KAZN: variants seen among roughly 807,000 people sequenced by gnomAD.
KAZN encodes kazrin, periplakin interacting protein, also known as kazrin.
Under a neutral mutation model 87.4 loss-of-function variants are expected in KAZN, and 40 were observed. The observed-to-expected ratio is 0.46, with a 90% CI of 0.36 to 0.60. The LOEUF (loss-of-function observed/expected upper bound fraction) is 0.60, where lower values mean the gene tolerates loss of function less well. Ranked by LOEUF, KAZN falls within the 20% of genes least tolerant of loss-of-function variation. KAZN has a pLI of 0.00. For missense variants in KAZN, 898 were observed against 1,073.9 expected, an observed-to-expected ratio of 0.84 and a Z score of 2.29; for synonymous variants, 466 against 458.3, an observed-to-expected ratio of 1.02 and a Z score of -0.22.
At chr1:14,384,858 T>A (rs1305995913) in intron 2 of KAZN, among the ~76,000 whole-genome samples, 1 of 152,030 alleles carries the variant, frequency 6.6e-6, no homozygotes, top group Non-Finnish European at 1.5e-5. Context: ...AATCCCTCTT[T>A]TTCTATTGAT....
At chr1:15,050,102 AG>A (rs1674173670) in intron 4 of KAZN, among the ~76,000 whole-genome samples, 1 of 126,956 alleles carries the variant, frequency 7.9e-6, no homozygotes, top group African/African-American at 3.6e-5. Context: ...ACAGTAGAGT[AG>A]AGTAGAGTAG....
intron 1 of KAZN, among the ~76,000 whole-genome samples, chr1:14,738,427 T>C (rs1193934025): frequency 6.6e-6 from 1 of 151,992 alleles, no homozygotes; most frequent in Non-Finnish European, 1.5e-5. Context: ...CTTAATGTAT[T>C]GACATTGGCA....
In KAZN at chr1:14,369,514, TAAAAGGG is replaced by T. The variant is rs549626435; in HGVS notation, c.249+188925_249+188931del. Among the ~76,000 whole-genome samples the T allele has an allele frequency of 2.0e-5, 3 of 152,132 alleles. No homozygotes were observed. The South Asian group carries it at 6.2e-4, about 32-fold the overall frequency. ...AGCGGCTTCTCCATCTGGAGAATGG[TAAAAGGG>T]AAGAGGGGCATTTAGAAGGAAGAAA... is the stretch of plus-strand genomic sequence containing the variant. On this transcript the variant is annotated intron_variant, in intron 2 of 16. Transcript: ENST00000636203.
intron 1 of KAZN, among the ~76,000 whole-genome samples, chr1:14,055,316 C>T (rs1202956499): frequency 6.6e-6 from 1 of 152,182 alleles, no homozygotes; most frequent in Non-Finnish European, 1.5e-5. Flanking sequence ...ATGTAAGTGG[C>T]AGCTGACATC....
At position 15,028,759 on chromosome 1, in the gene KAZN, G is replaced by C. The variant is rs138229222; in HGVS notation, c.419-5990G>C. ...TTGTCTTGGTCATTAGCCTGGCAGA[G>C]TCCAGCCCAGAGGTGGGCAGAGCGA... On this transcript the variant is annotated intron_variant, in intron 2 of 14. Transcript: ENST00000376030. Among the ~76,000 whole-genome samples, 422 of 152,292 alleles carry C rather than the reference G, an allele frequency of 2.8e-3. 2 individuals are homozygous for C. The highest frequency in any genetic ancestry group is 3.9e-3 in the Admixed American group (60 of 15,304).
intron 2 of KAZN, among the ~76,000 whole-genome samples, chr1:14,266,777 T>TG (rs1651508656): frequency 6.6e-6 from 1 of 152,136 alleles, no homozygotes; most frequent in African/African-American, 2.4e-5. Flanking sequence ...CTTTGGGATG[T>TG]GGGAGGAAAC....
intron 1 of KAZN, chr1:14,946,014 C>A: frequency 1.7e-6 from 1 of 600,508 alleles, no homozygotes. Flanking sequence ...GGCACAGCAG[C>A]CCTGGGAGAT....
chr1:14,125,581 G>A (rs964825948), intron 1 of KAZN, among the ~76,000 whole-genome samples: 1 of 152,156 alleles, frequency 6.6e-6, no homozygotes, highest in African/African-American at 2.4e-5. Flanking sequence ...AAAGCCACCA[G>A]AAGCTGGGAG....
At position 14,141,477 on chromosome 1, in the gene KAZN, C is replaced by T. The variant is rs188712306; in HGVS notation, c.92-38958C>T. Among the ~76,000 whole-genome samples the T allele has an allele frequency of 6.8e-4, 97 of 142,650 alleles. 1 individual carries two copies. The highest frequency in any genetic ancestry group is 2.4e-3 in the African/African-American group (89 of 36,424). 93.6% of individuals were successfully genotyped at this position (142,650 alleles called of 152,430 possible). On this transcript the variant is annotated intron_variant, in intron 1 of 16. Coordinates refer to the KAZN transcript ENST00000636203. ...CGCTGATGGAACCAGATGTAACGAA[C>T]GGCTCATTTACAGTAATAAAAAAAA...
intron 2 of KAZN, among the ~76,000 whole-genome samples, chr1:14,494,493 T>C (rs1357290490): frequency 6.6e-6 from 1 of 152,198 alleles, no homozygotes; most frequent in African/African-American, 2.4e-5. Context: ...GAGTTCCCCA[T>C]GTACTTCCTC....
chr1:13,922,305 T>C (rs1418101772), intron 1 of KAZN, among the ~76,000 whole-genome samples: 1 of 152,198 alleles, frequency 6.6e-6, no homozygotes, highest in East Asian at 1.9e-4. Context: ...ACGTATGTAT[T>C]AGACTTTGGG....
chr1:14,295,994 G>A (rs1335194567), intron 2 of KAZN, among the ~76,000 whole-genome samples: 1 of 152,136 alleles, frequency 6.6e-6, no homozygotes, highest in African/African-American at 2.4e-5. Flanking sequence ...TGTGTGACCT[G>A]GGGCAAGTTC....
At chr1:14,909,985 G>A (rs1012067466) in intron 1 of KAZN, among the ~76,000 whole-genome samples, 1 of 152,132 alleles carries the variant, frequency 6.6e-6, no homozygotes, top group Non-Finnish European at 1.5e-5. Context: ...CCTGGGAGGC[G>A]GAGGTTATAG....
At chr1:15,044,305 G>A (rs577437448) in intron 4 of KAZN, 146 bp downstream of exon 4, 48 of 785,702 alleles carry the variant, frequency 6.1e-5, no homozygotes, top group Middle Eastern at 7.6e-4. Context: ...AGGGCCCGCC[G>A]CGGGAGGGGG....
In KAZN at chr1:14,548,033, G is replaced by C. The variant is rs1673271450; in HGVS notation, c.250-50950G>C. Among the ~76,000 whole-genome samples the C allele has an allele frequency of 3.9e-5, 5 of 129,132 alleles. No individual in the cohort carries two copies. The South Asian group carries it at 1.0e-3, about 26-fold the overall frequency. The allele number at this position is 129,132 out of a possible 152,430, so 84.7% of individuals were successfully genotyped here. ...AAAATACACTAATGATAGGTGATGA[G>C]CTAAAAAAAAAAAAAAAAAATTGCA... is the stretch of plus-strand genomic sequence containing the variant. On this transcript the variant is annotated intron_variant, in intron 2 of 16. Coordinates refer to the KAZN transcript ENST00000636203.
At chr1:14,333,447 C>T (rs1656992558) in intron 2 of KAZN, among the ~76,000 whole-genome samples, 1 of 152,150 alleles carries the variant, frequency 6.6e-6, no homozygotes, top group Admixed American at 6.5e-5. Flanking sequence ...GGACAAGGTC[C>T]TTCAGGGCCC....
intron 1 of KAZN, among the ~76,000 whole-genome samples, chr1:13,895,819 G>C (rs1368987958): frequency 6.6e-6 from 1 of 152,140 alleles, no homozygotes; most frequent in Non-Finnish European, 1.5e-5. Context: ...GGAACCACAG[G>C]ATCTGGAGAG....
chr1:14,705,059 T>C (rs1038262085), intron 1 of KAZN, among the ~76,000 whole-genome samples: 4 of 152,204 alleles, frequency 2.6e-5, no homozygotes, highest in African/African-American at 9.6e-5. Context: ...GAAATTCATT[T>C]TCTCCCAGTT....
At chr1:14,130,350 T>G (rs1404610052) in intron 1 of KAZN, among the ~76,000 whole-genome samples, 3 of 152,234 alleles carry the variant, frequency 2.0e-5, no homozygotes, top group Non-Finnish European at 4.4e-5. Context: ...TCCTTCTGTA[T>G]GCAAGGTTGA....
Sources: gnomAD v4.1 joint callset for allele counts (sites outside exome capture counted in the v4.1 genomes callset) on GRCh38, gnomAD v4.1.1 for gene constraint, MANE v1.5 for transcripts, NCBI Gene and HGNC (gene_info 2026-07-23, HGNC 2026-07-21) for gene names.